TTC39B: variants seen among roughly 807,000 people sequenced by gnomAD.
TTC39B encodes the protein tetratricopeptide repeat domain 39B, also known as tetratricopeptide repeat protein 39B.
Under a neutral mutation model 96.6 loss-of-function variants are expected in TTC39B, and 92 were observed. That is an observed-to-expected ratio of 0.95 (90% CI 0.80 to 1.13). The LOEUF is 1.13. Among genes scored for constraint, TTC39B ranks in the 50% most tolerant of loss-of-function variants. The probability of loss-of-function intolerance (pLI) is 0.00; values close to 1 mark genes in which losing one functional copy is unlikely to be tolerated. For synonymous variants in TTC39B, 367 were observed against 299.4 expected, an observed-to-expected ratio of 1.23 and a Z score of -2.33; for missense variants, 955 against 809.3, an observed-to-expected ratio of 1.18 and a Z score of -2.18.
At chr9:15,271,618 C>T (rs529767185) in intron 1 of TTC39B, among the ~76,000 whole-genome samples, 40 of 152,266 alleles carry the variant, frequency 2.6e-4, no homozygotes, top group African/African-American at 7.2e-4. Context: ...TGGTAATGCT[C>T]GCCCGCCCAC....
chr9:15,258,092 T>C (rs927786751), intron 2 of TTC39B, among the ~76,000 whole-genome samples: 1 of 151,986 alleles, frequency 6.6e-6, no homozygotes, highest in Non-Finnish European at 1.5e-5. Context: ...CTTGGGCTGC[T>C]GTATGGAGAG....
intron 3 of TTC39B, among the ~76,000 whole-genome samples, chr9:15,224,933 G>T (rs905237206): frequency 6.6e-6 from 1 of 152,142 alleles, no homozygotes; most frequent in African/African-American, 2.4e-5. Context: ...AAGAACACAC[G>T]CATAGCTGAA....
At chr9:15,226,478 T>C (rs568974957) in intron 2 of TTC39B, among the ~76,000 whole-genome samples, 28 of 152,234 alleles carry the variant, frequency 1.8e-4, no homozygotes, top group Non-Finnish European at 2.9e-4. Flanking sequence ...TGCTGCTGAC[T>C]GGAAATAATG....
intron 15 of TTC39B, 115 bp from the exon 16 acceptor site, chr9:15,185,521 C>A: frequency 6.7e-7 from 1 of 1,498,974 alleles, no homozygotes; most frequent in Non-Finnish European, 9.0e-7. Context: ...GCAGCATCAC[C>A]TGGGAACCTA....
exon 20 of TTC39B, chr9:15,171,366 AC>A (rs1186534905): frequency 6.6e-6 from 1 of 152,098 alleles, no homozygotes; most frequent in African/African-American, 2.4e-5. Flanking sequence ...ATTATAATAG[AC>A]TTAAGTACAT....
At chr9:15,216,789 C>T (rs1358159782) in intron 3 of TTC39B, among the ~76,000 whole-genome samples, 1 of 152,186 alleles carries the variant, frequency 6.6e-6, no homozygotes, top group East Asian at 1.9e-4. Flanking sequence ...TCTGGCGATA[C>T]AGCAATGAAC....
At chr9:15,210,093 C>T in exon 6 of TTC39B, 3 of 1,598,888 alleles carry the variant, frequency 1.9e-6, no homozygotes, top group Non-Finnish European at 2.6e-6. Context: ...TTTACCTTCA[C>T]TCAGTTGCTC....
rs1586912482 is a variant in TTC39B at position 15,225,831 on chromosome 9, C to A, written c.371+86G>T. 22 of 1,251,656 alleles carry A rather than the reference C, an allele frequency of 1.8e-5. No individual in the cohort carries two copies. In the South Asian group the frequency reaches 2.7e-4, roughly 15 times the overall value. The allele number at this position is 1,251,656 out of a possible 1,614,324, so 77.5% of individuals were successfully genotyped here. A position where few individuals can be genotyped will look rare whatever the true frequency, so the allele number is the denominator to read the frequency against. On this transcript the variant is annotated intron_variant, in intron 3 of 19. Transcript: ENST00000512701. ...CCTCATTGGTTTGTCAAACGCAATG[C>A]ACTATGCAAATATCAGTATTATATT...
chr9:15,242,511 C>T (rs376760852), intron 2 of TTC39B, among the ~76,000 whole-genome samples: 107 of 152,082 alleles, frequency 7.0e-4, no homozygotes, highest in East Asian at 2.3e-3. Flanking sequence ...TGAAACAGGA[C>T]GGTTGAGGCT....
chr9:15,235,569 G>A (rs1183686944), intron 2 of TTC39B, among the ~76,000 whole-genome samples: 1 of 152,000 alleles, frequency 6.6e-6, no homozygotes. Context: ...AGAAAGAAGG[G>A]TCAAATCACC....
At chr9:15,166,575 C>A (rs1817520440) in exon 20 of TTC39B, 1 of 152,146 alleles carries the variant, frequency 6.6e-6, no homozygotes, top group South Asian at 2.1e-4. Context: ...AGATATCTTC[C>A]CTGATGATAA....
chr9:15,289,669 G>C (rs777354485), intron 1 of TTC39B, among the ~76,000 whole-genome samples: 1 of 152,170 alleles, frequency 6.6e-6, no homozygotes, highest in Non-Finnish European at 1.5e-5. Flanking sequence ...CCGGGAAAGA[G>C]GCTGATTTTT....
intron 2 of TTC39B, among the ~76,000 whole-genome samples, chr9:15,254,858 CACAA>C (rs1179106966): frequency 7.3e-6 from 1 of 137,502 alleles, no homozygotes; most frequent in Admixed American, 7.0e-5. Flanking sequence ...CACACACACA[CACAA>C]ACACACACAC....
intron 3 of TTC39B, among the ~76,000 whole-genome samples, chr9:15,216,001 C>A: frequency 6.6e-6 from 1 of 152,234 alleles, no homozygotes; most frequent in Non-Finnish European, 1.5e-5. Flanking sequence ...TTCAGTGACT[C>A]TTCTAGCACG....
intron 7 of TTC39B, 102 bp from the exon 8 acceptor site, chr9:15,200,027 C>A (rs984932625): frequency 1.5e-5 from 9 of 594,514 alleles, no homozygotes; most frequent in South Asian, 5.3e-5. Context: ...AACAAACAAA[C>A]AAAAAAAAGT....
intron 6 of TTC39B, among the ~76,000 whole-genome samples, chr9:15,205,420 C>G (rs1819789429): frequency 1.3e-5 from 2 of 152,116 alleles, no homozygotes; most frequent in Non-Finnish European, 2.9e-5. Flanking sequence ...ATACAACCCA[C>G]TGGTTCTCAT....
At chr9:15,182,364 G>C in exon 17 of TTC39B, 2 of 1,611,752 alleles carry the variant, frequency 1.2e-6, no homozygotes, top group South Asian at 2.2e-5. Flanking sequence ...TTTTCAGAAA[G>C]GTCTTTTCTT....
At chr9:15,185,875 T>G (rs1295500865) in intron 15 of TTC39B, among the ~76,000 whole-genome samples, 1 of 152,154 alleles carries the variant, frequency 6.6e-6, no homozygotes, top group Non-Finnish European at 1.5e-5. Flanking sequence ...ATCTATAAAA[T>G]AATATGGCTC....
chr9:15,236,824 G>C (rs1394166996), intron 2 of TTC39B, among the ~76,000 whole-genome samples: 2 of 152,204 alleles, frequency 1.3e-5, no homozygotes, highest in Non-Finnish European at 2.9e-5. Context: ...AGCAAAAGCA[G>C]TGCTAAGCGG....
Sources: gnomAD v4.1 joint callset for allele counts (sites outside exome capture counted in the v4.1 genomes callset) on GRCh38, gnomAD v4.1.1 for gene constraint, MANE v1.5 for transcripts, NCBI Gene and HGNC (gene_info 2026-07-23, HGNC 2026-07-21) for gene names.